Variants in FRMD4A observed in about 807,000 individuals in gnomAD.
FRMD4A encodes the protein FERM domain-containing protein 4A.
FRMD4A carries 29 observed loss-of-function variants against 129.1 expected under a neutral mutation model. The observed-to-expected ratio is 0.22, with a 90% CI of 0.17 to 0.31. The LOEUF (loss-of-function observed/expected upper bound fraction) is 0.31, where lower values mean the gene tolerates loss of function less well. Ranked by LOEUF, FRMD4A falls within the 10% of genes least tolerant of loss-of-function variation. The pLI is 1.00. For missense variants in FRMD4A, 1,272 were observed against 1,375.8 expected, an observed-to-expected ratio of 0.92 and a Z score of 1.19; for synonymous variants, 634 against 571.6, an observed-to-expected ratio of 1.11 and a Z score of -1.56.
chr10:14,033,894 T>C (rs561311859), intron 2 of FRMD4A, among the ~76,000 whole-genome samples: 79 of 152,028 alleles, frequency 5.2e-4, no homozygotes, highest in African/African-American at 1.7e-3. Flanking sequence ...ATGTGATATA[T>C]AGACACCATG....
chr10:13,924,258 A>G (rs1462802957), intron 2 of FRMD4A, among the ~76,000 whole-genome samples: 1 of 152,218 alleles, frequency 6.6e-6, no homozygotes, highest in Non-Finnish European at 1.5e-5. Context: ...ATCGTAAGCC[A>G]GATCACATTA....
At chr10:13,882,117 CTG>C (rs1301114240) in intron 2 of FRMD4A, among the ~76,000 whole-genome samples, 1 of 151,546 alleles carries the variant, frequency 6.6e-6, no homozygotes, top group Admixed American at 6.6e-5. Flanking sequence ...ATGCTAAGGA[CTG>C]TGGTCTACGA....
intron 2 of FRMD4A, among the ~76,000 whole-genome samples, chr10:13,892,155 C>T (rs1014407338): frequency 1.3e-5 from 2 of 151,948 alleles, no homozygotes; most frequent in African/African-American, 4.8e-5. Context: ...CCAAAGCGTG[C>T]GGGATGCCCA....
At chr10:14,154,563 G>A (rs190639664) in intron 2 of FRMD4A, among the ~76,000 whole-genome samples, 65 of 152,158 alleles carry the variant, frequency 4.3e-4, no homozygotes, top group African/African-American at 7.5e-4. Context: ...GAGTTCTTAC[G>A]TAACTAGAAA....
chr10:14,257,332 A>G (rs1014696909), intron 2 of FRMD4A, among the ~76,000 whole-genome samples: 1 of 152,230 alleles, frequency 6.6e-6, no homozygotes, highest in Non-Finnish European at 1.5e-5. Flanking sequence ...CCCTGTCTCA[A>G]ATAAAAAGAA....
chr10:13,796,055 G>C lies in FRMD4A; in HGVS notation c.299+441C>G, dbSNP rs73595138. ...GGCCTGTGGTTTGCTGCTGGGTTTC[G>C]ACCACTCCTATTTGGGATAAACTAC... On this transcript the variant is annotated intron_variant, in intron 5 of 24. Transcript: ENST00000357447. Among the ~76,000 whole-genome samples, 991 of 152,172 alleles carry C rather than the reference G, an allele frequency of 6.5e-3. 13 individuals are homozygous for C. The highest frequency in any genetic ancestry group is 0.023 in the African/African-American group (937 of 41,516).
chr10:13,663,907 G>A (rs759549926), intron 18 of FRMD4A, among the ~76,000 whole-genome samples: 2 of 152,220 alleles, frequency 1.3e-5, no homozygotes, highest in African/African-American at 2.4e-5. Context: ...CTACAAATGC[G>A]AAACCAGGGT....
intron 2 of FRMD4A, among the ~76,000 whole-genome samples, chr10:13,955,543 T>A (rs1314605615): frequency 6.6e-6 from 1 of 152,228 alleles, no homozygotes; most frequent in Admixed American, 6.5e-5. Context: ...TGGGCATTTC[T>A]TTTCTGCAGA....
intron 3 of FRMD4A, among the ~76,000 whole-genome samples, chr10:13,854,317 C>T (rs2094183403): frequency 6.6e-6 from 1 of 152,216 alleles, no homozygotes; most frequent in African/African-American, 2.4e-5. Context: ...GGGAGTTCGG[C>T]TGACCATAAA....
intron 5 of FRMD4A, among the ~76,000 whole-genome samples, chr10:13,791,928 C>T (rs978347249): frequency 1.1e-4 from 17 of 152,210 alleles, no homozygotes; most frequent in African/African-American, 4.1e-4. Context: ...TCCACAGTGT[C>T]AGATAATGCA....
intron 2 of FRMD4A, among the ~76,000 whole-genome samples, chr10:13,977,141 T>C (rs1186545812): frequency 6.6e-6 from 1 of 152,218 alleles, no homozygotes; most frequent in African/African-American, 2.4e-5. Context: ...GAAAGGCAGA[T>C]ATGCACTCAG....
chr10:13,884,702 A>G (rs2094597987), intron 2 of FRMD4A, among the ~76,000 whole-genome samples: 1 of 152,070 alleles, frequency 6.6e-6, no homozygotes, highest in South Asian at 2.1e-4. Context: ...GCTCCCAGTG[A>G]TAGACCCTAA....
intron 2 of FRMD4A, among the ~76,000 whole-genome samples, chr10:13,899,019 A>T (rs2094790282): frequency 6.6e-6 from 1 of 151,706 alleles, no homozygotes. Context: ...CCCTGTCTCT[A>T]CAAAAAAAAT....
At position 13,982,650 on chromosome 10, in the gene FRMD4A, A is replaced by G. The variant is rs548962775; in HGVS notation, c.46-123738T>C. The stretch of plus-strand genomic sequence containing the variant: ...CAGACAGGCCTTACTGGGTCTTCCC[A>G]CTCAGTCCATTAGACACATTTTGTC... On this transcript the variant is annotated intron_variant, in intron 2 of 24. Transcript: ENST00000357447. Among the ~76,000 whole-genome samples the G allele has an allele frequency of 2.2e-3, 332 of 152,312 alleles. 2 individuals carry two copies. The highest frequency in any genetic ancestry group is 3.6e-3 in the Non-Finnish European group (245 of 68,012).
At chr10:13,997,802 GAT>G (rs2095628225) in intron 2 of FRMD4A, among the ~76,000 whole-genome samples, 1 of 151,862 alleles carries the variant, frequency 6.6e-6, no homozygotes. Context: ...TGTTTGTAGA[GAT>G]GGGGTTTTGC....
chr10:13,838,585 T>C (rs2093913231), intron 3 of FRMD4A, among the ~76,000 whole-genome samples: 1 of 151,876 alleles, frequency 6.6e-6, no homozygotes, highest in Admixed American at 6.6e-5. Flanking sequence ...CTCTGCCTCA[T>C]GGGTTCAAGC....
At chr10:14,180,459 C>A (rs1426185060) in intron 2 of FRMD4A, among the ~76,000 whole-genome samples, 1 of 152,212 alleles carries the variant, frequency 6.6e-6, no homozygotes, top group Non-Finnish European at 1.5e-5. Flanking sequence ...GATACACCCA[C>A]GCTAGTCTGC....
chr10:14,234,060 C>T (rs1360067517), intron 2 of FRMD4A, among the ~76,000 whole-genome samples: 5 of 152,154 alleles, frequency 3.3e-5, no homozygotes, highest in African/African-American at 7.2e-5. Flanking sequence ...AATGTATTGC[C>T]TCCCAAGACT....
At chr10:14,166,083 C>T (rs990782982) in intron 2 of FRMD4A, among the ~76,000 whole-genome samples, 2 of 151,250 alleles carry the variant, frequency 1.3e-5, no homozygotes, top group African/African-American at 4.9e-5. Flanking sequence ...AAAATATTAT[C>T]TTAAAAATAT....
Sources: gnomAD v4.1 joint callset for allele counts (sites outside exome capture counted in the v4.1 genomes callset) on GRCh38, gnomAD v4.1.1 for gene constraint, MANE v1.5 for transcripts, NCBI Gene and HGNC (gene_info 2026-07-23, HGNC 2026-07-21) for gene names.